The following PALS1 variants were observed in gnomAD, a reference collection of about 807,000 sequenced individuals.
PALS1 encodes the protein protein PALS1.
A neutral mutation model predicts 78.9 loss-of-function variants in PALS1; 31 were observed. The ratio of observed to expected loss-of-function variants is 0.39; its 90% CI spans 0.30 to 0.53. PALS1 has a LOEUF of 0.53. Ranked by LOEUF, PALS1 falls within the 20% of genes least tolerant of loss-of-function variation. PALS1 has a pLI of 0.67. For missense variants in PALS1, 704 were observed against 826.5 expected (o/e 0.85, Z 1.82); for synonymous variants, 276 against 270.9 (o/e 1.02, Z -0.18).
At chr14:67,289,451 C>T (rs552494226) in intron 3 of PALS1, among the ~76,000 whole-genome samples, 4 of 152,132 alleles carry the variant, frequency 2.6e-5, no homozygotes, top group African/African-American at 7.2e-5. Context: ...ATATAAGGGA[C>T]TTGAGCATCT....
At chr14:67,331,765 A>C (rs1004158006) in intron 14 of PALS1, among the ~76,000 whole-genome samples, 1 of 152,178 alleles carries the variant, frequency 6.6e-6, no homozygotes, top group African/African-American at 2.4e-5. Flanking sequence ...AATACCACAA[A>C]GTTTCAGTTC....
At chr14:67,317,757 C>T (rs557602101) in intron 11 of PALS1, among the ~76,000 whole-genome samples, 3 of 152,300 alleles carry the variant, frequency 2.0e-5, no homozygotes, top group Admixed American at 6.5e-5. Flanking sequence ...CAAATTCTTA[C>T]AGAACATACT....
intron 11 of PALS1, 37 bp downstream of exon 11, chr14:67,317,516 T>C: frequency 6.9e-7 from 1 of 1,457,318 alleles, no homozygotes; most frequent in East Asian, 2.3e-5. Flanking sequence ...GAATTATATC[T>C]GAAAGGAGTC....
At chr14:67,324,897 ATTTTTTTTTTTTT>A (rs1197663812) in intron 14 of PALS1, among the ~76,000 whole-genome samples, 11 of 76,336 alleles carry the variant, frequency 1.4e-4, no homozygotes, top group Admixed American at 1.2e-3. Flanking sequence ...CCTTCCTTTC[ATTTTTTTTTTTTT>A]TTTTTTTTTT....
At chr14:67,328,286 A>C (rs1294899405) in intron 14 of PALS1, among the ~76,000 whole-genome samples, 3 of 152,200 alleles carry the variant, frequency 2.0e-5, no homozygotes, top group South Asian at 4.1e-4. Context: ...TCTTCTTTTG[A>C]GAAGTGTCTG....
intron 11 of PALS1, 21 bp downstream of exon 11, chr14:67,317,500 T>TATAATTCCACCTATCCCTG: frequency 6.5e-7 from 1 of 1,536,928 alleles, no homozygotes; most frequent in Non-Finnish European, 9.0e-7. Context: ...CTCTCAGGGA[T>TATAATTCCACCTATCCCTG]AGGTGGAATT....
intron 3 of PALS1, among the ~76,000 whole-genome samples, chr14:67,280,904 T>G (rs2084600268): frequency 7.3e-6 from 1 of 136,298 alleles, no homozygotes; most frequent in Admixed American, 7.3e-5. Flanking sequence ...TCTTTCTTTC[T>G]TTTTTTTTTT....
chr14:67,316,817 C>T lies in PALS1; in HGVS notation c.1226-15C>T, dbSNP rs539325902. 1.9e-6 allele frequency: 3 copies of T among 1,596,070 alleles called. No individual in the cohort carries two copies. The highest frequency in any genetic ancestry group is 2.3e-5 in the South Asian group (2 of 87,324). On this transcript the variant is annotated splice_polypyrimidine_tract_variant and intron_variant, in intron 9 of 14. Coordinates refer to ENST00000261681, the MANE Select transcript of PALS1 (RefSeq NM_022474.4). ...TCTTAAATATTTTACCCTTCTTTTT[C>T]TTTCTGCTATTAAGGGAAAAGCTTT...
At chr14:67,289,932 G>A (rs1263349869) in intron 3 of PALS1, among the ~76,000 whole-genome samples, 4 of 151,856 alleles carry the variant, frequency 2.6e-5, no homozygotes, top group East Asian at 1.9e-4. Context: ...CACCACGCCC[G>A]GCTAATTTTT....
At chr14:67,262,460 CTGTT>C (rs941185481) in intron 1 of PALS1, among the ~76,000 whole-genome samples, 1 of 152,142 alleles carries the variant, frequency 6.6e-6, no homozygotes, top group East Asian at 1.9e-4. Context: ...TTTTAAAACT[CTGTT>C]TGGCTCCTGG....
chr14:67,280,853 T>TCCTTCCCTCCC (rs1555520241), intron 3 of PALS1, among the ~76,000 whole-genome samples: 8 of 77,578 alleles, frequency 1.0e-4, no homozygotes, highest in East Asian at 1.3e-3. Context: ...CCTTCCTTCC[T>TCCTTCCCTCCC]TCCCTCCCTC....
intron 3 of PALS1, 147 bp downstream of exon 3, chr14:67,279,684 C>G (rs1246624069): frequency 1.8e-5 from 13 of 712,358 alleles, no homozygotes; most frequent in South Asian, 3.3e-5. Context: ...CGTGGAAACG[C>G]CGTATAACTA....
At position 67,292,666 on chromosome 14, in the gene PALS1, A is replaced by G; in HGVS notation, c.523A>G (p.Lys175Glu). The part of the protein sequence containing the change: ...IHNAITVHMN[K>E]ASPPFPLISN... ...CAATGCCATCACAGTACACATGAACAAGGCCAGTCCTCCATTTCCTCTTAT... is the reference window on the plus strand; with the variant it reads ...CAATGCCATCACAGTACACATGAACGAGGCCAGTCCTCCATTTCCTCTTAT... The change falls in exon 4 of 15, where the codon AAG (lysine) becomes GAG (glutamate). Residue 175 changes from lysine (K) to glutamate (E), a missense_variant. Lys to Glu is a moderately conservative substitution (Grantham distance 56). Coordinates refer to ENST00000261681, the MANE Select transcript of PALS1 (RefSeq NM_022474.4). The G allele has an allele frequency of 6.2e-7, 1 of 1,613,806 alleles. No homozygotes were observed. Among genetic ancestry groups the G allele is most frequent in the Middle Eastern group, 1.7e-4 (1 of 6,058 alleles).
intron 3 of PALS1, among the ~76,000 whole-genome samples, chr14:67,288,951 TTTTC>T (rs1475615843): frequency 1.4e-5 from 2 of 144,776 alleles, no homozygotes; most frequent in Admixed American, 7.4e-5. Context: ...AAAAGTTTTA[TTTTC>T]TTTATTTCCT....
intron 2 of PALS1, among the ~76,000 whole-genome samples, chr14:67,273,018 T>A (rs1440495026): frequency 6.7e-6 from 1 of 149,272 alleles, no homozygotes; most frequent in Non-Finnish European, 1.5e-5. Flanking sequence ...ATTCTCACTG[T>A]CCTAGTTGAG....
chr14:67,298,515 C>CAA lies in PALS1; in HGVS notation c.577-2861_577-2860dup, dbSNP rs59351794. On this transcript the variant is annotated intron_variant, in intron 4 of 14. Coordinates refer to ENST00000261681, the MANE Select transcript of PALS1 (RefSeq NM_022474.4). ...GGGCGACAAGAGTGAAACTCCGTCT[C>CAA]AAAAAAAAAAAAAATACTATTATAA... Among the ~76,000 whole-genome samples the CAA allele has an allele frequency of 3.5e-4, 42 of 120,720 alleles. 1 individual carries two copies. Among genetic ancestry groups the CAA allele is most frequent in the South Asian group, 3.3e-3 (13 of 3,992 alleles). The allele number at this position is 120,720 out of a possible 152,430, so 79.2% of individuals were successfully genotyped here. A position where few individuals can be genotyped will look rare whatever the true frequency, so the allele number is the denominator to read the frequency against.
Position 67,277,231 on chromosome 14 carries a change from AAGGT to A in PALS1, c.-153-1786_-153-1783del, listed in dbSNP as rs1260812387. The stretch of plus-strand genomic sequence containing the variant: ...AAACGAAGGCAGTCTAATGGTAAAT[AAGGT>A]GCTTACGTGTAGATCACAGTTAGAA... On this transcript the variant is annotated intron_variant, in intron 2 of 14. Coordinates refer to ENST00000261681, the MANE Select transcript of PALS1 (RefSeq NM_022474.4). Among the ~76,000 whole-genome samples, 231 of 152,330 alleles carry A rather than the reference AAGGT, an allele frequency of 1.5e-3. 1 individual carries two copies. The highest frequency in any genetic ancestry group is 5.3e-3 in the African/African-American group (222 of 41,574).
In PALS1 at chr14:67,279,023, C is replaced by T; in HGVS notation, c.-148C>T. ...CCCCCCATCTTTCCCCTTAGATTTC[C>T]TTCATGGATACTTTTTCATAGCATT... On this transcript the variant is annotated 5_prime_UTR_variant, in exon 3 of 15. Transcript: ENST00000261681. 4.2e-6 allele frequency: 3 copies of T among 713,374 alleles called. No homozygotes were observed. The highest frequency in any genetic ancestry group is 6.2e-6 in the Non-Finnish European group (3 of 485,544). 44.2% of individuals were successfully genotyped at this position (713,374 alleles called of 1,614,324 possible).
At chr14:67,288,477 A>G (rs2084723723) in intron 3 of PALS1, among the ~76,000 whole-genome samples, 1 of 152,148 alleles carries the variant, frequency 6.6e-6, no homozygotes, top group Non-Finnish European at 1.5e-5. Flanking sequence ...AGATTTCTTG[A>G]CGCCAGGAGT....
Sources: allele counts gnomAD v4.1 joint callset (sites outside exome capture counted in the v4.1 genomes callset), GRCh38; gene constraint gnomAD v4.1.1; transcripts MANE v1.5; gene names NCBI Gene and HGNC (gene_info 2026-07-23, HGNC 2026-07-21).